Variants in FAF1 observed in about 807,000 individuals in gnomAD.
FAF1 encodes Fas associated factor 1, also known as FAS-associated factor 1.
Under a neutral mutation model 92.5 loss-of-function variants are expected in FAF1, and 25 were observed. The ratio of observed to expected loss-of-function variants is 0.27; its 90% confidence interval spans 0.20 to 0.38. FAF1 has a LOEUF of 0.38. FAF1 is among the 10% of genes least tolerant of loss of function. The pLI, the probability that FAF1 is intolerant of heterozygous loss-of-function variation, is 1.00. For missense variants in FAF1, 636 were observed against 793.3 expected, an observed-to-expected ratio of 0.80 and a Z score of 2.38; for synonymous variants, 234 against 273.2, an observed-to-expected ratio of 0.86 and a Z score of 1.42.
intron 1 of FAF1, among the ~76,000 whole-genome samples, chr1:50,915,201 T>C (rs1644911077): frequency 1.3e-5 from 2 of 152,084 alleles, no homozygotes; most frequent in South Asian, 4.2e-4. Context: ...AGAAATCCTG[T>C]CTCTACTGAA....
chr1:50,665,295 G>T (rs1253345890), intron 7 of FAF1, among the ~76,000 whole-genome samples: 1 of 152,130 alleles, frequency 6.6e-6, no homozygotes, highest in Non-Finnish European at 1.5e-5. Context: ...TTTTAAATCT[G>T]AATTTTAGTA....
At position 50,837,805 on chromosome 1, in the gene FAF1, G is replaced by A. The variant is rs558852403; in HGVS notation, c.114+20124C>T. On this transcript the variant is annotated intron_variant, in intron 2 of 18. Coordinates refer to ENST00000396153, the MANE Select transcript of FAF1 (RefSeq NM_007051.3). ...GTCACCCAGGCTGGAGTGCAGTGGC[G>A]TGACCTCAGCTCACTGCAACCTCTG... 1.3e-4 allele frequency among the ~76,000 whole-genome samples: 20 copies of A among 151,370 alleles called. No homozygotes were observed. In the South Asian group the frequency reaches 1.9e-3, roughly 14 times the overall value.
intron 4 of FAF1, among the ~76,000 whole-genome samples, chr1:50,758,968 G>A (rs1173213454): frequency 4.0e-5 from 6 of 151,800 alleles, no homozygotes; most frequent in East Asian, 3.9e-4. Flanking sequence ...TCAGCCTTCC[G>A]AGTAGCTGGG....
At chr1:50,808,270 A>G (rs1662284406) in intron 2 of FAF1, among the ~76,000 whole-genome samples, 1 of 152,180 alleles carries the variant, frequency 6.6e-6, no homozygotes, top group Admixed American at 6.5e-5. Context: ...AGTGCTAAAT[A>G]TGGAAAAGAA....
rs903460732 is a variant in FAF1 at position 50,960,038 on chromosome 1, G to A, written c.-227C>T. ...CGCCCCGGCCGCCCGCCTGCAACCT[G>A]CGGAGCCCGCGTCGCAGCAGCCCGG... On this transcript the variant is annotated 5_prime_UTR_variant, in exon 1 of 19. Coordinates refer to ENST00000396153, the MANE Select transcript of FAF1 (RefSeq NM_007051.3). The A allele has an allele frequency of 5.1e-6, 2 of 395,616 alleles. No individual in the cohort carries two copies. Among genetic ancestry groups the A allele is most frequent in the Non-Finnish European group, 8.9e-6 (2 of 224,270 alleles). The allele number at this position is 395,616 out of a possible 1,614,324, so 24.5% of individuals were successfully genotyped here.
intron 2 of FAF1, among the ~76,000 whole-genome samples, chr1:50,833,085 T>C (rs1233152677): frequency 6.6e-6 from 1 of 152,020 alleles, no homozygotes; most frequent in East Asian, 1.9e-4. Context: ...GAACACCAAC[T>C]GGGTCTCCAA....
intron 8 of FAF1, among the ~76,000 whole-genome samples, chr1:50,599,497 C>G (rs1651992627): frequency 6.6e-6 from 1 of 152,158 alleles, no homozygotes; most frequent in African/African-American, 2.4e-5. Flanking sequence ...TAACACCAAG[C>G]TGTTAAAAAT....
At chr1:50,888,532 T>A (rs987587001) in intron 1 of FAF1, among the ~76,000 whole-genome samples, 1 of 152,188 alleles carries the variant, frequency 6.6e-6, no homozygotes, top group African/African-American at 2.4e-5. Context: ...CAGCTCTTAT[T>A]ATATTGAGAT....
chr1:50,786,445 T>A (rs1320522567), intron 4 of FAF1, among the ~76,000 whole-genome samples: 1 of 152,086 alleles, frequency 6.6e-6, no homozygotes, highest in Non-Finnish European at 1.5e-5. Flanking sequence ...TGCCAGGAGT[T>A]TGAGGGAGGG....
chr1:50,836,168 C>CTGTTTTTTTTTTT (rs1557551131), intron 2 of FAF1, among the ~76,000 whole-genome samples: 1 of 75,542 alleles, frequency 1.3e-5, no homozygotes, highest in African/African-American at 5.7e-5. Context: ...TTTTTTGTTT[C>CTGTTTTTTTTTTT]TGTTTTTTTT....
At chr1:50,484,438 T>C (rs1373926562) in intron 17 of FAF1, among the ~76,000 whole-genome samples, 1 of 152,166 alleles carries the variant, frequency 6.6e-6, no homozygotes, top group African/African-American at 2.4e-5. Context: ...GAAGAAATAG[T>C]GGATATACAT....
chr1:50,649,432 G>A (rs1272389988), intron 8 of FAF1, among the ~76,000 whole-genome samples: 1 of 152,132 alleles, frequency 6.6e-6, no homozygotes, highest in Non-Finnish European at 1.5e-5. Context: ...TTACAGGTGT[G>A]AGCCATTGTG....
intron 13 of FAF1, among the ~76,000 whole-genome samples, chr1:50,546,427 G>A (rs2149043940): frequency 6.6e-6 from 1 of 152,240 alleles, no homozygotes; most frequent in South Asian, 2.1e-4. Flanking sequence ...GTGCGGTGGT[G>A]CAATCTCAGC....
intron 7 of FAF1, among the ~76,000 whole-genome samples, chr1:50,686,587 G>C (rs1038807431): frequency 7.6e-6 from 1 of 131,870 alleles, no homozygotes; most frequent in African/African-American, 2.8e-5. Context: ...AAGGGGAGAG[G>C]AGGGAAAGGG....
chr1:50,928,698 G>A (rs572676746), intron 1 of FAF1, among the ~76,000 whole-genome samples: 18 of 149,048 alleles, frequency 1.2e-4, no homozygotes, highest in African/African-American at 3.5e-4. Context: ...CAAGAGAATC[G>A]CTTGAACCTG....
chr1:50,451,154 C>G (rs1264094884), intron 18 of FAF1, among the ~76,000 whole-genome samples: 2 of 152,050 alleles, frequency 1.3e-5, no homozygotes, highest in Non-Finnish European at 2.9e-5. Flanking sequence ...GTGTCGAGGA[C>G]ATTTTCTTCC....
chr1:50,789,957 C>T (rs556901462), intron 3 of FAF1, among the ~76,000 whole-genome samples: 2 of 152,250 alleles, frequency 1.3e-5, no homozygotes, highest in East Asian at 1.9e-4. Context: ...CTCCATTACC[C>T]ATCCACTTCT....
chr1:50,790,712 C>A (rs1478086865), intron 3 of FAF1, among the ~76,000 whole-genome samples: 1 of 151,868 alleles, frequency 6.6e-6, no homozygotes, highest in Non-Finnish European at 1.5e-5. Flanking sequence ...AAGACCAGCT[C>A]TAAAACATCT....
chr1:50,960,218 C>T lies in FAF1; in HGVS notation c.-407G>A, dbSNP rs1309150565. On this transcript the variant is annotated 5_prime_UTR_variant, in exon 1 of 19. Transcript: ENST00000396153. ...CGAGCGGGCGGGCGAACGCCGCGGCCGCCTCCGCCTCCTCCGCTTCCTCCC... is the reference window on the plus strand; with the variant it reads ...CGAGCGGGCGGGCGAACGCCGCGGCTGCCTCCGCCTCCTCCGCTTCCTCCC... 1.8e-5 allele frequency: 6 copies of T among 330,832 alleles called. No homozygotes were observed. The highest frequency in any genetic ancestry group is 2.8e-5 in the Non-Finnish European group (5 of 181,358). The allele number at this position is 330,832 out of a possible 1,614,324, so 20.5% of individuals were successfully genotyped here.
Sources: gnomAD v4.1 joint callset for allele counts (sites outside exome capture counted in the v4.1 genomes callset) on GRCh38, gnomAD v4.1.1 for gene constraint, MANE v1.5 for transcripts, NCBI Gene and HGNC (gene_info 2026-07-23, HGNC 2026-07-21) for gene names.